USB1: variants seen among roughly 807,000 people sequenced by gnomAD.
USB1 encodes U6 snRNA phosphodiesterase 1.
USB1 carries 21 observed loss-of-function variants against 29.9 expected under a neutral mutation model. The observed-to-expected ratio is 0.70, with a 90% confidence interval of 0.50 to 1.01. USB1 has a LOEUF of 1.01. Among genes scored for constraint, USB1 ranks in the 50% least tolerant of loss-of-function variants. The pLI is 0.00. For synonymous variants in USB1, 143 were observed against 134.9 expected (o/e 1.06, Z -0.42); for missense variants, 330 against 347.1 (o/e 0.95, Z 0.39).
chr16:58,009,832 G>C, intron 2 of USB1, 97 bp from the exon 3 acceptor site: 7 of 1,424,686 alleles, frequency 4.9e-6, no homozygotes, highest in Non-Finnish European at 6.9e-6. Flanking sequence ...CCCAAACCCA[G>C]AGTAATAAGG....
intron 3 of USB1, chr16:58,011,329 C>T (rs1455621288): frequency 5.0e-6 from 7 of 1,394,532 alleles, no homozygotes; most frequent in East Asian, 2.7e-5. Flanking sequence ...GCCCTCAGCA[C>T]ACCACTTGGG....
intron 2 of USB1, among the ~76,000 whole-genome samples, chr16:58,008,460 T>C (rs959259214): frequency 5.4e-5 from 8 of 148,630 alleles, no homozygotes; most frequent in East Asian, 3.9e-4. Context: ...TTTCTTTTTT[T>C]TTTTTTTTTT....
chr16:58,010,614 TG>T (rs11360708), intron 3 of USB1: 195,567 of 258,102 alleles, frequency 0.76, 75,103 homozygotes, highest in Middle Eastern at 0.83. Flanking sequence ...TCAGAGGTTC[TG>T]TGGACCCTCT....
At position 58,014,308 on chromosome 16, in the gene USB1, C is replaced by T; in HGVS notation, c.485C>T (p.Thr162Ile). The change falls in exon 4 of 7, where the codon ACC becomes ATC. Residue 162 changes from threonine (T) to isoleucine (I), a missense_variant. Physicochemically the swap from Thr to Ile is moderately conservative, Grantham distance 89. Coordinates refer to ENST00000219281, the MANE Select transcript of USB1 (RefSeq NM_024598.4). ...ACTGCCAACCAGGTAAAGATTTACACCAATCAAGAGAAAACCAGGTGGGTC... is the reference window on the plus strand; with the variant it reads ...ACTGCCAACCAGGTAAAGATTTACATCAATCAAGAGAAAACCAGGTGGGTC... ...FFTANQVKIYTNQEKTRTFIG... is the reference protein window; with the variant it reads ...FFTANQVKIYINQEKTRTFIG... The T allele has an allele frequency of 1.9e-6, 3 of 1,613,716 alleles. No homozygotes were observed. The highest frequency in any genetic ancestry group is 2.5e-6 in the Non-Finnish European group (3 of 1,179,722).
chr16:58,019,134 G>A, intron 6 of USB1, 79 bp downstream of exon 6: 6 of 1,447,260 alleles, frequency 4.1e-6, no homozygotes, highest in Non-Finnish European at 5.7e-6. Context: ...GGGAGGATGA[G>A]GCACCCAAAC....
intron 3 of USB1, chr16:58,011,532 C>T: frequency 2.0e-6 from 2 of 1,005,066 alleles, no homozygotes; most frequent in Non-Finnish European, 2.4e-6. Flanking sequence ...ATCCCTCCGT[C>T]CAGAGATCAG....
rs1407777572 is a variant in USB1, at chr16:58,014,274, T to G, written c.451T>G (p.Phe151Val). 1 of 1,613,274 alleles carries G rather than the reference T, an allele frequency of 6.2e-7. No homozygotes were observed. The highest frequency in any genetic ancestry group is 1.1e-5 in the South Asian group (1 of 90,804). ...LKARMTSFHR[F>V]FFTANQVKIY... ...GAAATATGGTCTTCTAAATTTCAGA[T>G]TCTTCTTTACTGCCAACCAGGTAAA... Residue 151 changes from phenylalanine (F) to valine (V), a missense_variant and splice_region_variant, in exon 4 of 7, where the codon TTC becomes GTC. Phe to Val is a conservative substitution (Grantham distance 50). Coordinates refer to ENST00000219281, the MANE Select transcript of USB1 (RefSeq NM_024598.4).
intron 2 of USB1, among the ~76,000 whole-genome samples, chr16:58,004,028 A>G (rs1419495655): frequency 6.6e-6 from 1 of 152,206 alleles, no homozygotes; most frequent in Non-Finnish European, 1.5e-5. Flanking sequence ...CACCAAACCC[A>G]AGATCATCTA....
At chr16:58,004,456 T>C (rs1213108389) in intron 2 of USB1, among the ~76,000 whole-genome samples, 1 of 152,174 alleles carries the variant, frequency 6.6e-6, no homozygotes, top group Non-Finnish European at 1.5e-5. Context: ...TTTTTTTGGT[T>C]TTTTTTAGAG....
chr16:58,000,674 G>T (rs1434707814), upstream of USB1, among the ~76,000 whole-genome samples: 1 of 148,740 alleles, frequency 6.7e-6, no homozygotes, highest in African/African-American at 2.5e-5. This position sits in a 1 kb window ranked among gnomAD's most constrained non-coding sequence, Gnocchi z 4.5. Flanking sequence ...GAGACGGGCG[G>T]ACGGGCGGGC....
chr16:58,011,121 A>G, intron 3 of USB1: 2 of 1,209,290 alleles, frequency 1.7e-6, no homozygotes, highest in Non-Finnish European at 2.4e-6. Flanking sequence ...AGGATCACAG[A>G]CCAGATAATA....
At chr16:58,016,483 G>A (rs1237381300) in intron 4 of USB1, 1 of 152,988 alleles carries the variant, frequency 6.5e-6, no homozygotes, top group African/African-American at 2.4e-5. Flanking sequence ...TGTGTGGGAA[G>A]CGGGGCTGGG....
intron 4 of USB1, chr16:58,016,133 A>C (rs1354278541): frequency 1.3e-5 from 2 of 152,540 alleles, no homozygotes; most frequent in Admixed American, 1.3e-4. Flanking sequence ...GTGAGGGACC[A>C]TTGGTGGCCT....
At chr16:58,017,252 C>T in intron 4 of USB1, 82 bp from the exon 5 acceptor site, 1 of 1,322,916 alleles carries the variant, frequency 7.6e-7, no homozygotes, top group East Asian at 2.3e-5. Flanking sequence ...TCTTGGCCTT[C>T]TGCCTGGCTC....
At position 58,013,045 on chromosome 16, in the gene USB1, A is replaced by G. The variant is rs1963534939; in HGVS notation, c.450-1228A>G. 4.1e-6 allele frequency: 4 copies of G among 985,580 alleles called. No individual in the cohort carries two copies. The highest frequency in any genetic ancestry group is 4.8e-6 in the Non-Finnish European group (4 of 830,050). The allele number at this position is 985,580 out of a possible 1,614,324, so 61.1% of individuals were successfully genotyped here. ...TCTGTGTCATGAGTGAAGCCCGGGCAGGTGTGGTCTGTTCAACTTTGATCA... is the reference window on the plus strand; with the variant it reads ...TCTGTGTCATGAGTGAAGCCCGGGCGGGTGTGGTCTGTTCAACTTTGATCA... On this transcript the variant is annotated intron_variant, in intron 3 of 6. Transcript: ENST00000219281. This position sits in a 1 kb window ranked among gnomAD's most constrained non-coding sequence, Gnocchi z 4.3.
At chr16:58,002,946 T>G (rs1378701489) in intron 2 of USB1, among the ~76,000 whole-genome samples, 1 of 152,140 alleles carries the variant, frequency 6.6e-6, no homozygotes, top group Non-Finnish European at 1.5e-5. Flanking sequence ...AGGCACTTTA[T>G]TTCTGAGAGG....
At chr16:58,006,152 A>T (rs1202961215) in intron 2 of USB1, among the ~76,000 whole-genome samples, 2 of 151,950 alleles carry the variant, frequency 1.3e-5, no homozygotes, top group Non-Finnish European at 2.9e-5. Flanking sequence ...TGGGAGTTCA[A>T]GACCAGCCTG....
At chr16:58,019,143 AC>A in intron 6 of USB1, 88 bp downstream of exon 6, 1 of 1,334,788 alleles carries the variant, frequency 7.5e-7, no homozygotes, top group Non-Finnish European at 1.1e-6. Context: ...AGGCACCCAA[AC>A]CTGAATCCCT....
chr16:58,014,016 G>A (rs992626530), intron 3 of USB1: 6 of 458,928 alleles, frequency 1.3e-5, no homozygotes, highest in East Asian at 7.9e-5. Flanking sequence ...ATTGTTTATC[G>A]AAATGAACTG....
Sources: allele counts gnomAD v4.1 joint callset (sites outside exome capture counted in the v4.1 genomes callset), GRCh38; gene constraint gnomAD v4.1.1; non-coding constraint Gnocchi (gnomAD v3.1); transcripts MANE v1.5; gene names NCBI Gene and HGNC (gene_info 2026-07-23, HGNC 2026-07-21).